NRG1: variants seen among roughly 807,000 people sequenced by gnomAD.
NRG1 encodes neuregulin 1.
Under a neutral mutation model 63.8 loss-of-function variants are expected in NRG1, and 18 were observed. The observed-to-expected ratio is 0.28, with a 90% confidence interval of 0.19 to 0.42. The LOEUF is 0.42. Ranked by LOEUF, NRG1 falls within the 10% of genes least tolerant of loss-of-function variation. The pLI, the probability that NRG1 is intolerant of heterozygous loss-of-function variation, is 1.00. For missense variants in NRG1, 762 were observed against 814.7 expected (o/e 0.94, Z 0.79); for synonymous variants, 302 against 301.3 (o/e 1.00, Z -0.02).
chr8:31,913,078 C>T (rs1040776163), intron 1 of NRG1, among the ~76,000 whole-genome samples: 3 of 152,256 alleles, frequency 2.0e-5, no homozygotes, highest in African/African-American at 4.8e-5. Flanking sequence ...TATCACTCCT[C>T]TTTTGCTAAT....
At chr8:32,537,115 G>A (rs1452139745) in intron 1 of NRG1, among the ~76,000 whole-genome samples, 2 of 140,106 alleles carry the variant, frequency 1.4e-5, no homozygotes, top group Non-Finnish European at 3.0e-5. Context: ...AAAATTGCTT[G>A]AACCTGGGAG....
intron 1 of NRG1, among the ~76,000 whole-genome samples, chr8:32,467,697 A>C (rs202014835): frequency 6.6e-6 from 1 of 152,206 alleles, no homozygotes; most frequent in East Asian, 1.9e-4. Context: ...ACTACACTCT[A>C]CATGGCAATA....
chr8:32,607,816 A>G (rs561339968), intron 3 of NRG1, among the ~76,000 whole-genome samples: 1 of 152,310 alleles, frequency 6.6e-6, no homozygotes, highest in South Asian at 2.1e-4. Flanking sequence ...GAATATTTTA[A>G]GTAAATCCTT....
intron 1 of NRG1, among the ~76,000 whole-genome samples, chr8:31,899,942 A>G (rs1831935873): frequency 6.6e-6 from 1 of 152,200 alleles, no homozygotes; most frequent in South Asian, 2.1e-4. Flanking sequence ...CTTTATCTCC[A>G]ATGGGTCTTT....
At chr8:31,938,047 C>A (rs1395003518) in intron 1 of NRG1, among the ~76,000 whole-genome samples, 1 of 152,124 alleles carries the variant, frequency 6.6e-6, no homozygotes, top group Non-Finnish European at 1.5e-5. Flanking sequence ...TGCAACCTGT[C>A]TATAGGACCA....
intron 1 of NRG1, among the ~76,000 whole-genome samples, chr8:32,044,927 AAAAAC>A (rs1233134384): frequency 1.3e-5 from 2 of 148,800 alleles, no homozygotes; most frequent in African/African-American, 4.9e-5. Flanking sequence ...AAAAAAAAAA[AAAAAC>A]ACACACACAC....
chr8:32,026,702 G>A (rs577507400), intron 1 of NRG1, among the ~76,000 whole-genome samples: 1 of 152,132 alleles, frequency 6.6e-6, no homozygotes, highest in African/African-American at 2.4e-5. Flanking sequence ...TTGAGGGTTT[G>A]TTTTGTACCA....
At chr8:31,989,556 G>A (rs7835626) in intron 1 of NRG1, among the ~76,000 whole-genome samples, 81,578 of 151,856 alleles carry the variant, frequency 0.54, 26,600 homozygotes, top group Non-Finnish European at 0.73. Flanking sequence ...ACCTTTAAGC[G>A]TCTGCCTTGC....
chr8:32,575,337 C>T (rs1248591793), intron 1 of NRG1, among the ~76,000 whole-genome samples: 11 of 151,258 alleles, frequency 7.3e-5, no homozygotes, highest in African/African-American at 2.4e-4. Context: ...TTCTTTCCTA[C>T]TTTTGTGGTT....
At chr8:32,516,336 T>C (rs968319761) in intron 1 of NRG1, among the ~76,000 whole-genome samples, 12 of 152,328 alleles carry the variant, frequency 7.9e-5, no homozygotes, top group African/African-American at 2.6e-4. Flanking sequence ...TGTAGCCTTA[T>C]AGTATAGTTT....
chr8:32,463,506 C>T (rs1465657320), intron 1 of NRG1, among the ~76,000 whole-genome samples: 1 of 152,126 alleles, frequency 6.6e-6, no homozygotes, highest in African/African-American at 2.4e-5. Flanking sequence ...TTTAAATCCA[C>T]CTGGCCTGAT....
chr8:31,862,381 G>C (rs1380597320), intron 1 of NRG1, among the ~76,000 whole-genome samples: 4 of 152,166 alleles, frequency 2.6e-5, no homozygotes, highest in African/African-American at 7.2e-5. Context: ...AAAAAGAAGA[G>C]AGGAAAATAG....
At chr8:31,911,034 G>A (rs1832901325) in intron 1 of NRG1, among the ~76,000 whole-genome samples, 1 of 152,118 alleles carries the variant, frequency 6.6e-6, no homozygotes, top group Non-Finnish European at 1.5e-5. Context: ...TGCACCAGGA[G>A]GAATTTGAAG....
chr8:31,966,249 T>TTGTAG (rs1806308973), intron 1 of NRG1, among the ~76,000 whole-genome samples: 1 of 138,686 alleles, frequency 7.2e-6, no homozygotes, highest in Non-Finnish European at 1.6e-5. Flanking sequence ...CTGCAACACC[T>TTGTAG]ATATCTTACC....
chr8:32,163,169 G>A (rs1042555518), intron 1 of NRG1, among the ~76,000 whole-genome samples: 4 of 152,180 alleles, frequency 2.6e-5, no homozygotes, highest in African/African-American at 4.8e-5. Flanking sequence ...CAGGCAGAGT[G>A]GTCCTCAGCT....
At position 32,406,644 on chromosome 8, in the gene NRG1, A is replaced by G. The variant is rs138461943; in HGVS notation, c.38-189184A>G. Among the ~76,000 whole-genome samples, 129 of 152,246 alleles carry G rather than the reference A, an allele frequency of 8.5e-4. 1 individual carries two copies. The highest frequency in any genetic ancestry group is 3.0e-3 in the African/African-American group (126 of 41,556). On this transcript the variant is annotated intron_variant, in intron 1 of 10. Coordinates refer to the NRG1 transcript ENST00000519301. ...GTAGCCATAGGGGAATCTGATTTTG[A>G]TGTCTCCTACCCAAAGTTTATTCAT...
At chr8:32,143,541 G>A (rs1311081605) in intron 1 of NRG1, among the ~76,000 whole-genome samples, 1 of 152,130 alleles carries the variant, frequency 6.6e-6, no homozygotes, top group African/African-American at 2.4e-5. Flanking sequence ...GCCCCATTGA[G>A]TTGAAATAAA....
intron 1 of NRG1, among the ~76,000 whole-genome samples, chr8:32,561,703 T>C (rs1472091641): frequency 6.6e-6 from 1 of 152,194 alleles, no homozygotes; most frequent in East Asian, 1.9e-4. Flanking sequence ...CAGTCACTGA[T>C]TGCAGTGACA....
intron 1 of NRG1, among the ~76,000 whole-genome samples, chr8:32,345,709 C>T (rs548010001): frequency 1.3e-5 from 2 of 152,210 alleles, no homozygotes; most frequent in East Asian, 3.9e-4. Flanking sequence ...GTGGCTCATA[C>T]CTGTAATCCC....
Sources: allele counts gnomAD v4.1 joint callset (sites outside exome capture counted in the v4.1 genomes callset), GRCh38; gene constraint gnomAD v4.1.1; transcripts MANE v1.5; gene names NCBI Gene and HGNC (gene_info 2026-07-23, HGNC 2026-07-21).